The following AFF2 variants were observed in gnomAD, a reference collection of about 807,000 sequenced individuals.
The protein encoded by AFF2 is AF4/FMR2 family member 2.
In AFF2, 14 loss-of-function variants were observed where a neutral mutation model predicts 76.9. The observed-to-expected ratio is 0.18, with a 90% CI of 0.12 to 0.28. The LOEUF is 0.28. AFF2 is among the 10% of genes least tolerant of loss of function. The pLI, the probability that AFF2 is intolerant of heterozygous loss-of-function variation, is 1.00. For missense variants in AFF2, 868 were observed against 1,001.1 expected, an observed-to-expected ratio of 0.87 and a Z score of 1.79; for synonymous variants, 398 against 366.7, an observed-to-expected ratio of 1.09 and a Z score of -0.98.
chrX:148,865,502 C>T (rs1329161875), intron 7 of AFF2, among the ~76,000 whole-genome samples: 2 of 111,834 alleles, frequency 1.8e-5, no homozygotes, highest in Non-Finnish European at 3.8e-5. Context: ...AGCGGGGGCA[C>T]CCTCATTTGC....
chrX:148,636,292 T>C (rs2054029948), intron 1 of AFF2, among the ~76,000 whole-genome samples: 1 of 112,074 alleles, frequency 8.9e-6, no homozygotes, highest in Non-Finnish European at 1.9e-5. Flanking sequence ...ACTTCCAATA[T>C]TACTTGAGCG....
chrX:148,565,312 A>G (rs2053157052), intron 1 of AFF2, among the ~76,000 whole-genome samples: 2 of 111,724 alleles, frequency 1.8e-5, no homozygotes, highest in South Asian at 7.5e-4. Context: ...AGGTTGTTAA[A>G]AAAAACTACT....
intron 3 of AFF2, among the ~76,000 whole-genome samples, chrX:148,691,943 A>G (rs1557260795): frequency 9.0e-6 from 1 of 111,671 alleles, no homozygotes; most frequent in African/African-American, 3.3e-5. Flanking sequence ...AGTGACAATT[A>G]TTAACGAATA....
chrX:148,564,472 A>AG, intron 1 of AFF2, among the ~76,000 whole-genome samples: 1 of 108,562 alleles, frequency 9.2e-6, no homozygotes, highest in East Asian at 3.0e-4. Context: ...TGATTTGAAA[A>AG]AAAAAAAAAA....
At chrX:148,587,424 C>T (rs1367551250) in intron 1 of AFF2, among the ~76,000 whole-genome samples, 2 of 112,025 alleles carry the variant, frequency 1.8e-5, no homozygotes, top group Non-Finnish European at 3.8e-5. Context: ...CTGTGACTGG[C>T]TCCAGAATTT....
At chrX:148,935,888 A>G (rs1330487312) in intron 9 of AFF2, among the ~76,000 whole-genome samples, 1 of 91,613 alleles carries the variant, frequency 1.1e-5, no homozygotes, top group Non-Finnish European at 2.2e-5. Flanking sequence ...TTTTTTTTGT[A>G]AAATCATGAC....
intron 1 of AFF2, among the ~76,000 whole-genome samples, chrX:148,577,244 G>C (rs782588082): frequency 8.2e-4 from 91 of 111,174 alleles, no homozygotes; most frequent in Non-Finnish European, 1.4e-3. Context: ...GTCTCAAAAA[G>C]TGTCTCTTCA....
chrX:148,903,753 T>A (rs1433218299), intron 8 of AFF2, among the ~76,000 whole-genome samples: 1 of 111,858 alleles, frequency 8.9e-6, no homozygotes, highest in East Asian at 2.8e-4. Flanking sequence ...GGTGGAAGTA[T>A]GGCCAGATGT....
At chrX:148,656,897 G>C (rs868990925) in intron 2 of AFF2, among the ~76,000 whole-genome samples, 3 of 111,611 alleles carry the variant, frequency 2.7e-5, no homozygotes, top group Non-Finnish European at 5.6e-5. Flanking sequence ...GTATGATTCC[G>C]TATCTGTAAC....
chrX:148,952,886 C>T (rs1363154975), intron 9 of AFF2, among the ~76,000 whole-genome samples: 1 of 111,416 alleles, frequency 9.0e-6, no homozygotes, highest in Admixed American at 9.5e-5. Context: ...CTTATTCATG[C>T]ACCCAACAGA....
At chrX:148,818,506 G>T (rs1388204727) in intron 4 of AFF2, among the ~76,000 whole-genome samples, 2 of 111,757 alleles carry the variant, frequency 1.8e-5, no homozygotes, top group South Asian at 3.7e-4. Flanking sequence ...GTTAATCTTG[G>T]ATCCTTACCT....
Position 148,736,674 on chromosome X carries a change from C to A in AFF2, c.1042-73202C>A, listed in dbSNP as rs191045213. Among the ~76,000 whole-genome samples, 513 of 111,773 alleles carry A rather than the reference C, an allele frequency of 4.6e-3. 4 individuals carry two copies. Among genetic ancestry groups the A allele is most frequent in the African/African-American group, 0.016 (492 of 30,803 alleles). ...ATTGCATTTGCTTTGGGTTCTTGGT[C>A]ATTAAATCTTTGCCTAAGCTAATGT... On this transcript the variant is annotated intron_variant, in intron 3 of 20. Coordinates refer to ENST00000370460, the MANE Select transcript of AFF2 (RefSeq NM_002025.4).
At chrX:148,656,160 A>C (rs144191815) in intron 2 of AFF2, among the ~76,000 whole-genome samples, 43 of 112,029 alleles carry the variant, frequency 3.8e-4, no homozygotes, top group African/African-American at 1.4e-3. Context: ...AATGGAGAGA[A>C]TGTTGACCAC....
intron 1 of AFF2, among the ~76,000 whole-genome samples, chrX:148,505,170 C>A (rs2052396828): frequency 8.9e-6 from 1 of 111,751 alleles, no homozygotes; most frequent in Admixed American, 9.5e-5. Context: ...TTCAACAAAC[C>A]ATTTTAGGTT....
intron 1 of AFF2, among the ~76,000 whole-genome samples, chrX:148,633,533 G>A (rs781824359): frequency 2.7e-5 from 3 of 112,254 alleles, no homozygotes; most frequent in Non-Finnish European, 3.8e-5. Flanking sequence ...ATAGCGTCTT[G>A]TTGTCCCTAG....
At chrX:148,512,664 CTGTT>C (rs781796969) in intron 1 of AFF2, among the ~76,000 whole-genome samples, 2 of 112,375 alleles carry the variant, frequency 1.8e-5, no homozygotes, top group Admixed American at 1.9e-4. Flanking sequence ...TGGGATCTGT[CTGTT>C]AAAATTACAT....
At chrX:148,908,229 C>T (rs1446500507) in intron 9 of AFF2, among the ~76,000 whole-genome samples, 2 of 111,436 alleles carry the variant, frequency 1.8e-5, no homozygotes, top group African/African-American at 3.3e-5. Context: ...ACATCCTCCT[C>T]AGCTTTCGAA....
chrX:148,926,607 A>G lies in AFF2; in HGVS notation c.1397+22349A>G, dbSNP rs182894106. ...TAGTTTCTAAATGAAGACACAGCAT[A>G]TGGAGAATACAGAGTGGAATTTATA... On this transcript the variant is annotated intron_variant, in intron 9 of 20. Coordinates refer to ENST00000370460, the MANE Select transcript of AFF2 (RefSeq NM_002025.4). 3.3e-4 allele frequency among the ~76,000 whole-genome samples: 37 copies of G among 112,176 alleles called. 1 individual carries two copies. The East Asian group carries it at 7.3e-3, about 22-fold the overall frequency.
At chrX:148,545,641 C>T (rs6654996) in intron 1 of AFF2, among the ~76,000 whole-genome samples, 23 of 111,051 alleles carry the variant, frequency 2.1e-4, no homozygotes, top group African/African-American at 7.2e-4. Context: ...ACCTTTTCCC[C>T]CTCAAAAGTG....
Sources: allele counts gnomAD v4.1 joint callset (sites outside exome capture counted in the v4.1 genomes callset), GRCh38; gene constraint gnomAD v4.1.1; transcripts MANE v1.5; gene names NCBI Gene and HGNC (gene_info 2026-07-23, HGNC 2026-07-21).